Variants in BSPH1 observed in about 807,000 individuals in gnomAD.
The protein encoded by BSPH1 is binder of sperm 1.
BSPH1 carries 21 observed loss-of-function variants against 22.5 expected under a neutral mutation model. That is an observed-to-expected ratio of 0.93 (90% CI 0.66 to 1.35). BSPH1 has a LOEUF of 1.35. Ranked by LOEUF, BSPH1 falls within the 40% of genes most tolerant of loss-of-function variation. The pLI, the probability that BSPH1 is intolerant of heterozygous loss-of-function variation, is 0.00. For missense variants in BSPH1, 141 were observed against 154.2 expected (o/e 0.91, Z 0.45); for synonymous variants, 42 against 53.6 (o/e 0.78, Z 0.95).
intron 1 of BSPH1, 66 bp from the exon 2 acceptor site, chr19:47,981,007 C>A: frequency 2.2e-6 from 2 of 894,620 alleles, no homozygotes; most frequent in Non-Finnish European, 3.4e-6. Flanking sequence ...AAGGATTTCA[C>A]CAATTTCTAT....
At chr19:47,982,190 G>A (rs1022009044) in intron 1 of BSPH1, among the ~76,000 whole-genome samples, 1 of 152,038 alleles carries the variant, frequency 6.6e-6, no homozygotes, top group African/African-American at 2.4e-5. Context: ...GAACATCCAC[G>A]TATTATAATG....
intron 5 of BSPH1, among the ~76,000 whole-genome samples, chr19:47,975,657 T>A (rs1205113806): frequency 6.3e-5 from 1 of 15,962 alleles, no homozygotes; most frequent in Non-Finnish European, 1.4e-4. Context: ...GCATTTTTTT[T>A]TTTTTTTTTT....
chr19:47,990,591 T>C (rs1969514103), intron 1 of BSPH1, among the ~76,000 whole-genome samples: 1 of 145,626 alleles, frequency 6.9e-6, no homozygotes, highest in Non-Finnish European at 1.5e-5. Context: ...TTCTTTTCTG[T>C]TCTTTAAAAA....
chr19:47,979,476 A>G lies in BSPH1; in HGVS notation c.124+94T>C. The G allele has an allele frequency of 4.5e-6, 3 of 661,554 alleles. No homozygotes were observed. The South Asian group carries it at 6.1e-5, about 13-fold the overall frequency. 41.0% of individuals were successfully genotyped at this position (661,554 alleles called of 1,614,324 possible). A position where few individuals can be genotyped will look rare whatever the true frequency, so the allele number is the denominator to read the frequency against. ...ACATTTTATATAAGGAGAAAAAATG[A>G]TTTTTTTTACTGGAAAAACATTACT... is the stretch of plus-strand genomic sequence containing the variant. On this transcript the variant is annotated intron_variant, in intron 3 of 5. Coordinates refer to ENST00000344839, the MANE Select transcript of BSPH1 (RefSeq NM_001128326.2).
intron 1 of BSPH1, among the ~76,000 whole-genome samples, chr19:47,983,170 C>T (rs1400238237): frequency 1.3e-5 from 2 of 152,274 alleles, no homozygotes; most frequent in South Asian, 2.1e-4. Flanking sequence ...GGATTGAATG[C>T]CTACTATGTG....
At position 47,968,681 on chromosome 19, in the gene BSPH1, T is replaced by TAAAAA. The variant is rs71181616; in HGVS notation, c.*3-477_*3-473dup. ...TGAGTGACAGAGCAAGACCCTGTCTTAAAAAAAAAAAAAAAAAAAAAAGAA... is the reference window on the plus strand; with the variant it reads ...TGAGTGACAGAGCAAGACCCTGTCTTAAAAAAAAAAAAAAAAAAAAAAAAAAAGAA... On this transcript the variant is annotated intron_variant, in intron 5 of 5. Coordinates refer to ENST00000344839, the MANE Select transcript of BSPH1 (RefSeq NM_001128326.2). Among the ~76,000 whole-genome samples the TAAAAA allele has an allele frequency of 2.1e-3, 190 of 92,236 alleles. 3 individuals carry two copies. The highest frequency in any genetic ancestry group is 7.4e-3 in the African/African-American group (173 of 23,346). 60.5% of individuals were successfully genotyped at this position (92,236 alleles called of 152,430 possible). A position where few individuals can be genotyped will look rare whatever the true frequency, so the allele number is the denominator to read the frequency against.
At chr19:47,986,908 A>T (rs900426212) in intron 1 of BSPH1, among the ~76,000 whole-genome samples, 1 of 152,130 alleles carries the variant, frequency 6.6e-6, no homozygotes, top group Non-Finnish European at 1.5e-5. Flanking sequence ...AAACTATTCC[A>T]TGCCTCTCTC....
At chr19:47,972,413 G>A (rs557774586) in intron 5 of BSPH1, among the ~76,000 whole-genome samples, 1 of 151,880 alleles carries the variant, frequency 6.6e-6, no homozygotes, top group South Asian at 2.1e-4. Flanking sequence ...TGCTTTATAG[G>A]TAATTTTTGT....
At chr19:47,983,294 A>C (rs1412785800) in intron 1 of BSPH1, among the ~76,000 whole-genome samples, 2 of 152,224 alleles carry the variant, frequency 1.3e-5, no homozygotes, top group African/African-American at 2.4e-5. Flanking sequence ...TGGACTCATC[A>C]GGAGTTAAGC....
rs73941414 is a variant in BSPH1, at chr19:47,981,455, C to T, written c.74-514G>A. Among the ~76,000 whole-genome samples the T allele has an allele frequency of 5.7e-3, 870 of 152,326 alleles. 10 individuals are homozygous for T. The highest frequency in any genetic ancestry group is 0.02 in the African/African-American group (827 of 41,568). ...CTGAACGTCTTCTCTATCCTGGGCACTATATTTTATTTAACTTATCAGAAC... is the reference window on the plus strand; with the variant it reads ...CTGAACGTCTTCTCTATCCTGGGCATTATATTTTATTTAACTTATCAGAAC... On this transcript the variant is annotated intron_variant, in intron 1 of 5. Coordinates refer to ENST00000344839, the MANE Select transcript of BSPH1 (RefSeq NM_001128326.2).
chr19:47,976,695 C>T lies in BSPH1; in HGVS notation c.*2+15G>A. 6.4e-7 allele frequency: 1 copy of T among 1,550,722 alleles called. No individual in the cohort carries two copies. Among genetic ancestry groups the T allele is most frequent in the Non-Finnish European group, 8.7e-7 (1 of 1,146,128 alleles). ...TGATTAAACGTCTTCATCCCCCTCC[C>T]CTGGTAAATCTCACCATCATTCACA... is the stretch of plus-strand genomic sequence containing the variant. On this transcript the variant is annotated intron_variant, in intron 5 of 5. Transcript: ENST00000344839.
chr19:47,967,769 G>GAC (rs1320767538), downstream of BSPH1, among the ~76,000 whole-genome samples: 1 of 152,190 alleles, frequency 6.6e-6, no homozygotes, highest in Non-Finnish European at 1.5e-5. Context: ...TTTTGGAAAG[G>GAC]ACACAGTTCA....
intron 3 of BSPH1, 95 bp downstream of exon 3, chr19:47,979,475 G>T: frequency 1.5e-6 from 1 of 649,338 alleles, no homozygotes; most frequent in Non-Finnish European, 2.6e-6. Context: ...GAGAAAAAAT[G>T]ATTTTTTTTA....
At position 47,980,930 on chromosome 19, in the gene BSPH1, A is replaced by G. The variant is rs760877160; in HGVS notation, c.85T>C (p.Ser29Pro). The change falls in exon 2 of 6, where the codon TCA (serine) becomes CCA (proline). Residue 29 changes from serine to proline, a missense_variant. Transcript: ENST00000344839. ...IFPVILNELS[S>P]TVETITHFPE... ...TTTTTGATCAACTCACCCACAGTTG[A>G]TGATAATTCATCTGAAAAACACAAT... The G allele has an allele frequency of 1.5e-5, 22 of 1,454,432 alleles. No homozygotes were observed. The highest frequency in any genetic ancestry group is 5.4e-5 in the Admixed American group (2 of 37,348). The allele number at this position is 1,454,432 out of a possible 1,614,324, so 90.1% of individuals were successfully genotyped here.
chr19:47,987,677 C>T (rs1473127881), intron 1 of BSPH1, among the ~76,000 whole-genome samples: 3 of 152,128 alleles, frequency 2.0e-5, no homozygotes, highest in Non-Finnish European at 4.4e-5. Flanking sequence ...ACTATTGATC[C>T]TGCCCTTAGG....
intron 1 of BSPH1, among the ~76,000 whole-genome samples, chr19:47,989,110 T>TTTTA (rs565512241): frequency 2.2e-5 from 3 of 138,426 alleles, no homozygotes; most frequent in Non-Finnish European, 4.6e-5. Context: ...AAGTCACCGT[T>TTTTA]TTATTATTAT....
chr19:47,983,354 T>A (rs1969436730), intron 1 of BSPH1, among the ~76,000 whole-genome samples: 1 of 152,206 alleles, frequency 6.6e-6, no homozygotes, highest in African/African-American at 2.4e-5. Flanking sequence ...CTTCCTGGAT[T>A]TGTTGGGTTC....
At chr19:47,988,368 C>T (rs1008549059) in intron 1 of BSPH1, among the ~76,000 whole-genome samples, 1 of 152,142 alleles carries the variant, frequency 6.6e-6, no homozygotes, top group Non-Finnish European at 1.5e-5. Flanking sequence ...GCAAGAATCA[C>T]GATCCTCCTG....
intron 1 of BSPH1, among the ~76,000 whole-genome samples, chr19:47,991,775 CCTCCCCCCTT>C (rs1167434732): frequency 2.2e-5 from 2 of 89,820 alleles, no homozygotes; most frequent in South Asian, 4.3e-4. Context: ...TTCTTCACCT[CCTCCCCCCTT>C]CTCCCCCCTT....
Sources: gnomAD v4.1 joint callset for allele counts (sites outside exome capture counted in the v4.1 genomes callset) on GRCh38, gnomAD v4.1.1 for gene constraint, MANE v1.5 for transcripts, NCBI Gene and HGNC (gene_info 2026-07-23, HGNC 2026-07-21) for gene names.